Variants in FBXW7 observed in about 807,000 individuals in gnomAD.
FBXW7 encodes F-box/WD repeat-containing protein 7.
A neutral mutation model predicts 86.3 loss-of-function variants in FBXW7; 11 were observed. The observed-to-expected ratio is 0.13, with a 90% CI of 0.08 to 0.21. FBXW7 has a LOEUF of 0.21. Among genes scored for constraint, FBXW7 ranks in the 10% least tolerant of loss-of-function variants. The probability of loss-of-function intolerance (pLI) is 1.00; values close to 1 mark genes in which losing one functional copy is unlikely to be tolerated. For synonymous variants in FBXW7, 313 were observed against 297.9 expected, an observed-to-expected ratio of 1.05 and a Z score of -0.52; for missense variants, 488 against 847.4, an observed-to-expected ratio of 0.58 and a Z score of 5.27.
intron 4 of FBXW7, among the ~76,000 whole-genome samples, chr4:152,371,162 A>G (rs1013751776): frequency 8.6e-5 from 13 of 151,940 alleles, no homozygotes; most frequent in Non-Finnish European, 1.8e-4. Flanking sequence ...ATCTTAAATT[A>G]TATCTACTGT....
chr4:152,524,985 C>T (rs1749376558), intron 2 of FBXW7, among the ~76,000 whole-genome samples: 1 of 152,118 alleles, frequency 6.6e-6, no homozygotes, highest in Non-Finnish European at 1.5e-5. Context: ...ACACAACCTT[C>T]CAGTATTACA....
At chr4:152,337,963 T>C (rs781618776) in intron 6 of FBXW7, 27 bp from the exon 7 acceptor site, 1 of 1,582,788 alleles carries the variant, frequency 6.3e-7, no homozygotes, top group Non-Finnish European at 8.5e-7. Context: ...GAAATTTTTA[T>C]TGTTTTAACA....
At chr4:152,526,234 T>C (rs1318442140) in intron 2 of FBXW7, among the ~76,000 whole-genome samples, 1 of 152,200 alleles carries the variant, frequency 6.6e-6, no homozygotes, top group Non-Finnish European at 1.5e-5. Context: ...TCCAAGAATG[T>C]ATCTCAGTCT....
chr4:152,506,962 AC>A (rs1386821206), intron 2 of FBXW7, among the ~76,000 whole-genome samples: 2 of 152,240 alleles, frequency 1.3e-5, no homozygotes, highest in Non-Finnish European at 2.9e-5. Context: ...AGCCAAAACA[AC>A]ATGGTCTATC....
chr4:152,402,178 T>C (rs1432373123), intron 4 of FBXW7, among the ~76,000 whole-genome samples: 1 of 152,054 alleles, frequency 6.6e-6, no homozygotes, highest in African/African-American at 2.4e-5. Flanking sequence ...ATCAGGAATA[T>C]AAAAGAAGTA....
chr4:152,416,871 C>G (rs573727567), intron 2 of FBXW7, among the ~76,000 whole-genome samples: 2 of 152,106 alleles, frequency 1.3e-5, no homozygotes, highest in East Asian at 3.8e-4. Flanking sequence ...CTGTGTGATA[C>G]GCCACCACCT....
At chr4:152,369,236 A>G (rs577738337) in intron 4 of FBXW7, among the ~76,000 whole-genome samples, 19 of 152,204 alleles carry the variant, frequency 1.2e-4, no homozygotes, top group Admixed American at 5.2e-4. Context: ...TCCATGGGTT[A>G]TTTCATTTTA....
rs185126130 is a variant in FBXW7 at position 152,511,032 on chromosome 4, C to T, written c.-120+23909G>A. 4.2e-4 allele frequency among the ~76,000 whole-genome samples: 63 copies of T among 151,514 alleles called. No individual in the cohort carries two copies. The East Asian group carries it at 9.3e-3, about 22-fold the overall frequency. ...CAGCTCACTGAAGCCTCAAACACCACGGTTAATTTTTTTTTTTTTTTTTTG... is the reference window on the plus strand; with the variant it reads ...CAGCTCACTGAAGCCTCAAACACCATGGTTAATTTTTTTTTTTTTTTTTTG... On this transcript the variant is annotated intron_variant, in intron 2 of 13. Transcript: ENST00000281708.
rs1331482126 is a variant in FBXW7 at position 152,411,658 on chromosome 4, T to C, written c.146A>G (p.Glu49Gly). The change falls in exon 4 of 14, where the codon GAG (glutamate) becomes GGG (glycine). Residue 49 changes from glutamate to glycine, a missense_variant. By Grantham distance (98) the Glu-to-Gly change is moderately conservative. This residue lies in a region of FBXW7 where 230 missense variants were observed against 240.0 expected (regional missense o/e 0.96). Transcript: ENST00000281708. ...ACCATTCCTTGCAGTGTGCTCCTCC[T>C]CTTGTTGTCTGAGTTGCTGTTGCTG... ...EEQQQQLRQQ[E>G]EEHTARNGEV... The C allele has an allele frequency of 6.2e-7, 1 of 1,614,020 alleles. No individual in the cohort carries two copies. Among genetic ancestry groups the C allele is most frequent in the Non-Finnish European group, 8.5e-7 (1 of 1,179,914 alleles).
chr4:152,444,482 T>C (rs2126995369), intron 2 of FBXW7, among the ~76,000 whole-genome samples: 1 of 152,308 alleles, frequency 6.6e-6, no homozygotes, highest in African/African-American at 2.4e-5. Context: ...AAGTAGGTTT[T>C]CTGAGTCAAA....
chr4:152,488,235 T>C (rs1443399476), intron 2 of FBXW7, among the ~76,000 whole-genome samples: 1 of 152,030 alleles, frequency 6.6e-6, no homozygotes, highest in African/African-American at 2.4e-5. Flanking sequence ...ATAAGACTGG[T>C]GCATAAAAAA....
In FBXW7 at chr4:152,347,979, GCA is replaced by G. The variant is rs201941646; in HGVS notation, c.585-910_585-909del. ...CCATTTTAAAGACCTTGGAAAAAAA[GCA>G]GCAGGAAGGTCTGGTTTAACAAAAT... On this transcript the variant is annotated intron_variant, in intron 5 of 13. Coordinates refer to ENST00000281708, the MANE Select transcript of FBXW7 (RefSeq NM_001349798.2). Among the ~76,000 whole-genome samples, 1,496 of 152,120 alleles carry G rather than the reference GCA, an allele frequency of 9.8e-3. 14 individuals are homozygous for G. The highest frequency in any genetic ancestry group is 0.022 in the Admixed American group (339 of 15,270).
chr4:152,379,671 C>A (rs1474721270), intron 4 of FBXW7, among the ~76,000 whole-genome samples: 1 of 152,012 alleles, frequency 6.6e-6, no homozygotes, highest in African/African-American at 2.4e-5. Flanking sequence ...GCGTGACCCA[C>A]CATGCCTGGC....
chr4:152,389,535 T>C (rs1419131726), intron 4 of FBXW7, among the ~76,000 whole-genome samples: 4 of 152,054 alleles, frequency 2.6e-5, no homozygotes, highest in Non-Finnish European at 5.9e-5. Flanking sequence ...ACGTTTCACT[T>C]ACAAGTGAAA....
At chr4:152,528,999 A>G (rs1749775124) in intron 2 of FBXW7, among the ~76,000 whole-genome samples, 1 of 152,016 alleles carries the variant, frequency 6.6e-6, no homozygotes, top group South Asian at 2.1e-4. Context: ...AAAGTCTAAG[A>G]ACAGGACAAA....
intron 4 of FBXW7, among the ~76,000 whole-genome samples, chr4:152,410,976 T>C (rs1354059566): frequency 2.0e-5 from 3 of 152,126 alleles, no homozygotes; most frequent in Admixed American, 1.3e-4. Context: ...TTTACACAAA[T>C]CATGTTTCAC....
At chr4:152,491,179 CCATTAT>C (rs1210044877) in intron 2 of FBXW7, among the ~76,000 whole-genome samples, 1 of 152,074 alleles carries the variant, frequency 6.6e-6, no homozygotes, top group Non-Finnish European at 1.5e-5. Context: ...CAGAAAGAAA[CCATTAT>C]CATTTCTCAG....
At chr4:152,462,825 T>G (rs1389250937) in intron 2 of FBXW7, among the ~76,000 whole-genome samples, 4 of 152,172 alleles carry the variant, frequency 2.6e-5, no homozygotes, top group Non-Finnish European at 2.9e-5. Flanking sequence ...AATGAAAAAT[T>G]TCTCACATCC....
intron 4 of FBXW7, among the ~76,000 whole-genome samples, chr4:152,368,753 G>A (rs1733721001): frequency 6.6e-6 from 1 of 152,020 alleles, no homozygotes; most frequent in Admixed American, 6.6e-5. Flanking sequence ...TCAATAACAT[G>A]TATTTTTAAT....
Sources: allele counts gnomAD v4.1 joint callset (sites outside exome capture counted in the v4.1 genomes callset), GRCh38; gene constraint gnomAD v4.1.1; regional missense constraint gnomAD v4.1.1; transcripts MANE v1.5; gene names NCBI Gene and HGNC (gene_info 2026-07-23, HGNC 2026-07-21).